DEPDC1B: variants seen among roughly 807,000 people sequenced by gnomAD.
DEPDC1B encodes DEP domain-containing protein 1B.
In DEPDC1B, 51 loss-of-function variants were observed where a neutral mutation model predicts 66.5. The ratio of observed to expected loss-of-function variants is 0.77; its 90% CI spans 0.61 to 0.97. The LOEUF is 0.97. DEPDC1B is among the 50% of genes least tolerant of loss of function. The probability of loss-of-function intolerance (pLI) is 0.00; values close to 1 mark genes in which losing one functional copy is unlikely to be tolerated. For synonymous variants in DEPDC1B, 226 were observed against 223.6 expected (o/e 1.01, Z -0.10); for missense variants, 552 against 637.1 (o/e 0.87, Z 1.44).
chr5:60,651,255 C>T (rs1753443936), intron 2 of DEPDC1B, among the ~76,000 whole-genome samples: 1 of 152,152 alleles, frequency 6.6e-6, no homozygotes, highest in Non-Finnish European at 1.5e-5. Flanking sequence ...TGGGCCGGCA[C>T]AGTGGCTCAC....
intron 7 of DEPDC1B, among the ~76,000 whole-genome samples, chr5:60,616,891 G>C (rs1428380852): frequency 1.3e-5 from 2 of 152,160 alleles, no homozygotes; most frequent in Non-Finnish European, 2.9e-5. Context: ...CAGAGAGAAA[G>C]GTCAGGTTAC....
At chr5:60,599,307 T>C (rs751929968) in intron 9 of DEPDC1B, 47 bp from the exon 10 acceptor site, 1 of 1,427,688 alleles carries the variant, frequency 7.0e-7, no homozygotes, top group South Asian at 1.5e-5. Context: ...TATTTTCAAA[T>C]AAATTATAAG....
chr5:60,686,933 C>A, intron 2 of DEPDC1B, 29 bp downstream of exon 2: 2 of 1,609,862 alleles, frequency 1.2e-6, no homozygotes, highest in Non-Finnish European at 1.7e-6. Flanking sequence ...CCCAATTCCT[C>A]ACCTTCCAGG....
At chr5:60,601,761 G>A (rs1451328339) in intron 9 of DEPDC1B, among the ~76,000 whole-genome samples, 1 of 152,000 alleles carries the variant, frequency 6.6e-6, no homozygotes, top group Non-Finnish European at 1.5e-5. Context: ...AACAACAAAG[G>A]CAGCTACTAA....
chr5:60,677,878 G>T (rs1172354503), intron 2 of DEPDC1B, among the ~76,000 whole-genome samples: 1 of 152,122 alleles, frequency 6.6e-6, no homozygotes, highest in African/African-American at 2.4e-5. Context: ...AACAAGTTTT[G>T]TGCTTTCCTA....
chr5:60,674,199 GA>G (rs1234488944), intron 2 of DEPDC1B, among the ~76,000 whole-genome samples: 5 of 151,966 alleles, frequency 3.3e-5, no homozygotes, highest in Non-Finnish European at 7.4e-5. Context: ...AAAGGATAAA[GA>G]AATCAGCAGG....
chr5:60,677,326 A>ACACTCTCTCT (rs770640655), intron 2 of DEPDC1B, among the ~76,000 whole-genome samples: 245 of 108,548 alleles, frequency 2.3e-3, no homozygotes, highest in African/African-American at 5.2e-3. Context: ...ACACACACAC[A>ACACTCTCTCT]CTCTCTCTCT....
chr5:60,599,094 T>TTGTTGGAGAGTTTGGCA lies in DEPDC1B; in HGVS notation c.1408_1409insTGCCAAACTCTCCAACA (p.Lys470MetfsTer11). 6.3e-7 allele frequency: 1 copy of TTGTTGGAGAGTTTGGCA among 1,593,924 alleles called. No homozygotes were observed. The highest frequency in any genetic ancestry group is 8.5e-7 in the Non-Finnish European group (1 of 1,173,950). ...TTTTACCTGCTTCAGTTTCTTCTTT[T>TTGTTGGAGAGTTTGGCA]TCTCTTTGTTGGAGAGTTTGGCATC... On this transcript the variant is annotated frameshift_variant, in exon 10 of 11. Transcript: ENST00000265036. LOFTEE classifies it high-confidence loss of function.
chr5:60,602,682 A>G (rs1026107538), intron 9 of DEPDC1B, among the ~76,000 whole-genome samples: 6 of 152,230 alleles, frequency 3.9e-5, no homozygotes, highest in Admixed American at 2.6e-4. Context: ...CCTTTCAAAG[A>G]ATACCTGACA....
At position 60,598,010 on chromosome 5, in the gene DEPDC1B, T is replaced by C. The variant is rs1370065875; in HGVS notation, c.1429-96A>G. On this transcript the variant is annotated intron_variant, in intron 10 of 10. Coordinates refer to ENST00000265036, the MANE Select transcript of DEPDC1B (RefSeq NM_018369.3). ...TTTAAGAGTTTCTGAGCCTGTATTT[T>C]CCTGTTTTTGTTTATTTTTGTTAAA... 3.6e-6 allele frequency: 4 copies of C among 1,115,726 alleles called. No homozygotes were observed. In the African/African-American group the frequency reaches 4.9e-5, roughly 14 times the overall value. The allele number at this position is 1,115,726 out of a possible 1,614,324, so 69.1% of individuals were successfully genotyped here. A position where few individuals can be genotyped will look rare whatever the true frequency, so the allele number is the denominator to read the frequency against.
At chr5:60,697,639 C>T (rs994925344) in intron 1 of DEPDC1B, among the ~76,000 whole-genome samples, 2 of 151,988 alleles carry the variant, frequency 1.3e-5, no homozygotes, top group African/African-American at 4.8e-5. Flanking sequence ...AGCAGGAATA[C>T]TCACTTTTGA....
Position 60,667,880 on chromosome 5 carries a change from CATATATGTAAAAAATGGATATTTT to C in DEPDC1B, c.314+19058_314+19081del, listed in dbSNP as rs1561384286. 1.4e-3 allele frequency among the ~76,000 whole-genome samples: 49 copies of C among 36,192 alleles called. 13 individuals carry two copies. Among genetic ancestry groups the C allele is most frequent in the East Asian group, 3.6e-3 (2 of 558 alleles). 23.7% of individuals were successfully genotyped at this position (36,192 alleles called of 152,430 possible). ...ATATATGTAAAAAATGGATATTTTA[CATATATGTAAAAAATGGATATTTT>C]ATATATATAAAAAATGGATATTTTA... is the stretch of plus-strand genomic sequence containing the variant. On this transcript the variant is annotated intron_variant, in intron 2 of 10. Coordinates refer to ENST00000265036, the MANE Select transcript of DEPDC1B (RefSeq NM_018369.3).
chr5:60,677,320 A>ACTCT (rs1210073972), intron 2 of DEPDC1B, among the ~76,000 whole-genome samples: 4 of 107,776 alleles, frequency 3.7e-5, no homozygotes, highest in South Asian at 5.8e-4. Context: ...ACACACACAC[A>ACTCT]CACACACTCT....
intron 2 of DEPDC1B, among the ~76,000 whole-genome samples, chr5:60,673,219 G>A (rs1754082981): frequency 1.3e-5 from 2 of 152,172 alleles, no homozygotes; most frequent in Non-Finnish European, 2.9e-5. Context: ...ACTGATTCAA[G>A]CAGAGTTAAT....
chr5:60,681,123 T>A (rs1754285767), intron 2 of DEPDC1B, among the ~76,000 whole-genome samples: 1 of 152,192 alleles, frequency 6.6e-6, no homozygotes, highest in South Asian at 2.1e-4. Flanking sequence ...GCAAGAACCC[T>A]TCAATGTCCA....
chr5:60,651,179 G>A (rs1038381107), intron 2 of DEPDC1B, among the ~76,000 whole-genome samples: 11 of 152,136 alleles, frequency 7.2e-5, no homozygotes, highest in Admixed American at 1.3e-4. Context: ...CTCAGCAGCC[G>A]CAGCTGATGC....
chr5:60,691,184 G>A (rs1754536158), intron 1 of DEPDC1B, among the ~76,000 whole-genome samples: 1 of 151,882 alleles, frequency 6.6e-6, no homozygotes, highest in Non-Finnish European at 1.5e-5. Context: ...CTCCCAAGTA[G>A]CTGGGGTTAC....
chr5:60,663,110 A>T (rs1246653844), intron 2 of DEPDC1B, among the ~76,000 whole-genome samples: 1 of 152,164 alleles, frequency 6.6e-6, no homozygotes, highest in Non-Finnish European at 1.5e-5. Flanking sequence ...TATACACCTG[A>T]ACATAGGAAA....
In DEPDC1B at chr5:60,690,463, G is replaced by A. The variant is rs574675721; in HGVS notation, c.49-3236C>T. 4.2e-4 allele frequency among the ~76,000 whole-genome samples: 64 copies of A among 152,264 alleles called. 1 individual carries two copies. The South Asian group carries it at 0.013, about 31-fold the overall frequency. The stretch of plus-strand genomic sequence containing the variant: ...AAAATAAAGGAAAGTCATCTCTTTT[G>A]AAGAAGGAATATAAGGCAACTTTTA... On this transcript the variant is annotated intron_variant, in intron 1 of 10. Transcript: ENST00000265036.
Sources: gnomAD v4.1 joint callset for allele counts (sites outside exome capture counted in the v4.1 genomes callset) on GRCh38, gnomAD v4.1.1 for gene constraint, MANE v1.5 for transcripts, NCBI Gene and HGNC (gene_info 2026-07-23, HGNC 2026-07-21) for gene names.